The following ADAM22 variants were observed in gnomAD, a reference collection of about 807,000 sequenced individuals.
The protein encoded by ADAM22 is disintegrin and metalloproteinase domain-containing protein 22.
A neutral mutation model predicts 144.6 loss-of-function variants in ADAM22; 65 were observed. The ratio of observed to expected loss-of-function variants is 0.45; its 90% CI spans 0.37 to 0.55. The LOEUF is 0.55. ADAM22 is among the 20% of genes least tolerant of loss of function. The probability of loss-of-function intolerance (pLI) is 0.00; values close to 1 mark genes in which losing one functional copy is unlikely to be tolerated. For missense variants in ADAM22, 974 were observed against 1,184.9 expected (o/e 0.82, Z 2.61); for synonymous variants, 391 against 412.6 (o/e 0.95, Z 0.63).
At chr7:88,182,583 A>ATCAT (rs1393710379) in intron 29 of ADAM22, among the ~76,000 whole-genome samples, 1 of 152,206 alleles carries the variant, frequency 6.6e-6, no homozygotes. Flanking sequence ...CTTTAACTGA[A>ATCAT]TCATTGTCAC....
chr7:88,105,274 T>C (rs1001641278), intron 4 of ADAM22, among the ~76,000 whole-genome samples: 3 of 152,178 alleles, frequency 2.0e-5, no homozygotes, highest in Non-Finnish European at 4.4e-5. Flanking sequence ...TACTGTTCAC[T>C]ATGAGGCTCA....
chr7:88,010,008 C>A (rs971963324), intron 3 of ADAM22, among the ~76,000 whole-genome samples: 1 of 150,072 alleles, frequency 6.7e-6, no homozygotes, highest in Admixed American at 6.8e-5. Flanking sequence ...CCATTCCAAC[C>A]CGTTATGGTT....
chr7:88,125,721 A>G, intron 8 of ADAM22, 62 bp downstream of exon 8: 1 of 1,337,304 alleles, frequency 7.5e-7, no homozygotes, highest in Non-Finnish European at 1.0e-6. Flanking sequence ...CAGTCATTTG[A>G]ATCTACAGTA....
chr7:88,087,680 A>T (rs554276381), intron 4 of ADAM22, among the ~76,000 whole-genome samples: 4 of 152,292 alleles, frequency 2.6e-5, no homozygotes, highest in Admixed American at 6.5e-5. Flanking sequence ...TTCTGATAAT[A>T]TTTCTTGGTG....
At chr7:88,108,350 T>G in intron 5 of ADAM22, 92 bp downstream of exon 5, 3 of 972,248 alleles carry the variant, frequency 3.1e-6, no homozygotes, top group Non-Finnish European at 4.5e-6. Flanking sequence ...CCCTATTTTG[T>G]GTCAAGAAAT....
At chr7:88,087,099 T>C (rs1426658612) in intron 4 of ADAM22, among the ~76,000 whole-genome samples, 2 of 152,180 alleles carry the variant, frequency 1.3e-5, no homozygotes, top group Non-Finnish European at 2.9e-5. Context: ...GCAGTTTGAA[T>C]CTAGATTCTC....
At chr7:88,143,295 G>C (rs1353531582) in intron 15 of ADAM22, among the ~76,000 whole-genome samples, 170 bp downstream of exon 15, 1 of 152,122 alleles carries the variant, frequency 6.6e-6, no homozygotes, top group African/African-American at 2.4e-5. Flanking sequence ...TTAATGTTGG[G>C]CATTTTGGGC....
At chr7:88,010,308 CT>C (rs1795061093) in intron 3 of ADAM22, among the ~76,000 whole-genome samples, 1 of 152,178 alleles carries the variant, frequency 6.6e-6, no homozygotes, top group South Asian at 2.1e-4. Context: ...TGCTTTAAGA[CT>C]TTTTTTGCAG....
intron 13 of ADAM22, 64 bp from the exon 14 acceptor site, chr7:88,135,916 A>G: frequency 7.1e-7 from 1 of 1,399,380 alleles, no homozygotes; most frequent in Non-Finnish European, 9.7e-7. Context: ...ATTTTAAAAC[A>G]GAAACTACTT....
chr7:88,053,598 AAG>A (rs1047494963), intron 3 of ADAM22, among the ~76,000 whole-genome samples: 2 of 56,860 alleles, frequency 3.5e-5, no homozygotes, highest in Admixed American at 1.7e-4. Flanking sequence ...GAAGGAAAGA[AAG>A]AAAGAAAGAA....
chr7:88,035,185 A>G (rs1801216086), intron 3 of ADAM22, among the ~76,000 whole-genome samples: 1 of 152,196 alleles, frequency 6.6e-6, no homozygotes, highest in African/African-American at 2.4e-5. Flanking sequence ...CTTCATGCCA[A>G]GAAACAGATT....
chr7:87,985,048 T>C (rs924239722), intron 3 of ADAM22, among the ~76,000 whole-genome samples: 3 of 151,276 alleles, frequency 2.0e-5, no homozygotes, highest in Admixed American at 2.0e-4. Context: ...GTGCGGTGGC[T>C]CACGCGTGTA....
chr7:88,139,247 G>A (rs1284543008), intron 14 of ADAM22, among the ~76,000 whole-genome samples: 2 of 151,944 alleles, frequency 1.3e-5, no homozygotes, highest in East Asian at 1.9e-4. Flanking sequence ...GCGAAACCCC[G>A]TCTCTACTAA....
chr7:87,992,103 C>T lies in ADAM22; in HGVS notation c.323+13691C>T, dbSNP rs111268749. On this transcript the variant is annotated intron_variant, in intron 3 of 31. Transcript: ENST00000413139. ...GATCTATAGTGCAAGATGGTATCCA[C>T]CCAGGGAAAGAATGAACAATCTTGC... is the stretch of plus-strand genomic sequence containing the variant. 4.4e-3 allele frequency among the ~76,000 whole-genome samples: 674 copies of T among 152,228 alleles called. 2 individuals are homozygous for T. Among genetic ancestry groups the T allele is most frequent in the African/African-American group, 0.015 (637 of 41,534 alleles).
chr7:88,021,520 G>T (rs1797824379), intron 3 of ADAM22, among the ~76,000 whole-genome samples: 1 of 152,116 alleles, frequency 6.6e-6, no homozygotes, highest in South Asian at 2.1e-4. Flanking sequence ...TAATAAATAG[G>T]TTAAGTTTTT....
intron 22 of ADAM22, 65 bp from the exon 23 acceptor site, chr7:88,162,947 T>C: frequency 6.4e-7 from 1 of 1,574,712 alleles, no homozygotes. Context: ...TTTTAAGTTT[T>C]TGAGCATATT....
At chr7:88,191,638 T>A (rs1433153764) in intron 30 of ADAM22, among the ~76,000 whole-genome samples, 2 of 152,140 alleles carry the variant, frequency 1.3e-5, no homozygotes, top group Non-Finnish European at 2.9e-5. Context: ...ATTTCTTAAT[T>A]AAAAAAATAT....
At chr7:88,073,200 A>G (rs2129479614) in intron 3 of ADAM22, among the ~76,000 whole-genome samples, 1 of 152,358 alleles carries the variant, frequency 6.6e-6, no homozygotes, top group East Asian at 1.9e-4. Context: ...TAATTCTGGC[A>G]GAAGATACTT....
rs1321467096 is a variant in ADAM22, at chr7:88,155,538, AAAAG to A, written c.1788-346_1788-343del. On this transcript the variant is annotated intron_variant, in intron 21 of 31. Transcript: ENST00000413139. ...CCCTGACTCTAAGAAAAAAAAAAAA[AAAAG>A]AAGAAGAAGAAGAAATAGATTAGTA... Among the ~76,000 whole-genome samples the A allele has an allele frequency of 2.5e-3, 385 of 151,894 alleles. 4 individuals are homozygous for A. The highest frequency in any genetic ancestry group is 2.2e-3 in the Non-Finnish European group (147 of 67,960).
Sources: gnomAD v4.1 joint callset for allele counts (sites outside exome capture counted in the v4.1 genomes callset) on GRCh38, gnomAD v4.1.1 for gene constraint, MANE v1.5 for transcripts, NCBI Gene and HGNC (gene_info 2026-07-23, HGNC 2026-07-21) for gene names.